PCDH15: variants seen among roughly 807,000 people sequenced by gnomAD.
PCDH15 encodes protocadherin related 15.
Under a neutral mutation model 178.5 loss-of-function variants are expected in PCDH15, and 129 were observed. The observed-to-expected ratio is 0.72, with a 90% CI of 0.63 to 0.84. PCDH15 has a LOEUF of 0.84. Among genes scored for constraint, PCDH15 ranks in the 40% least tolerant of loss-of-function variants. The pLI is 0.00. For missense variants in PCDH15, 2,230 were observed against 2,099.9 expected, an observed-to-expected ratio of 1.06 and a Z score of -1.21; for synonymous variants, 800 against 732.0, an observed-to-expected ratio of 1.09 and a Z score of -1.50.
At chr10:55,060,173 C>A (rs1183160188) in intron 2 of PCDH15, among the ~76,000 whole-genome samples, 1 of 151,970 alleles carries the variant, frequency 6.6e-6, no homozygotes, top group Non-Finnish European at 1.5e-5. Flanking sequence ...TTTCAATTTT[C>A]TCACCTATTA....
chr10:54,939,453 C>A lies in PCDH15; in HGVS notation c.-79-41953G>T, dbSNP rs796759986. ...GAGCTTGTGGTGAGCCGAGACCTCG[C>A]CACTGCACTCCAGTCTGGGCAATAG... is the stretch of plus-strand genomic sequence containing the variant. On this transcript the variant is annotated intron_variant, in intron 2 of 5. Coordinates refer to the PCDH15 transcript ENST00000458638. 2.3e-4 allele frequency among the ~76,000 whole-genome samples: 30 copies of A among 133,098 alleles called. 1 individual carries two copies. The highest frequency in any genetic ancestry group is 8.5e-4 in the African/African-American group (30 of 35,386). The allele number at this position is 133,098 out of a possible 152,430, so 87.3% of individuals were successfully genotyped here.
chr10:54,102,002 A>T (rs1467555656), intron 15 of PCDH15, among the ~76,000 whole-genome samples: 1 of 152,120 alleles, frequency 6.6e-6, no homozygotes, highest in African/African-American at 2.4e-5. Flanking sequence ...CATAATAGTA[A>T]TATAAATAAA....
chr10:54,161,046 A>G (rs1352271577), intron 13 of PCDH15, among the ~76,000 whole-genome samples: 1 of 152,144 alleles, frequency 6.6e-6, no homozygotes, highest in Non-Finnish European at 1.5e-5. Flanking sequence ...AAATAAACAT[A>G]TATGTGTATA....
At chr10:55,487,905 G>A (rs1347823466) in intron 2 of PCDH15, among the ~76,000 whole-genome samples, 1 of 150,742 alleles carries the variant, frequency 6.6e-6, no homozygotes, top group African/African-American at 2.4e-5. Flanking sequence ...AAAAAGAGGT[G>A]AACATAAGAT....
chr10:53,995,816 A>G, intron 20 of PCDH15, 51 bp from the exon 21 acceptor site: 1 of 1,519,934 alleles, frequency 6.6e-7, no homozygotes, highest in South Asian at 1.1e-5. Flanking sequence ...CAGGTTAGGG[A>G]TACAGTTACT....
rs111651193 is a variant in PCDH15, at chr10:54,445,851, A to G, written c.158-66909T>C. Among the ~76,000 whole-genome samples, 85 of 151,530 alleles carry G rather than the reference A, an allele frequency of 5.6e-4. No homozygotes were observed. The East Asian group carries it at 0.015, about 26-fold the overall frequency. On this transcript the variant is annotated intron_variant, in intron 3 of 37. Coordinates refer to ENST00000644397, the MANE Select transcript of PCDH15 (RefSeq NM_001384140.1). ...TTTTCACAGAAATTAGTTTATTGTG[A>G]TCTTCTTTTCCAAAAGGACTTAATT...
intron 5 of PCDH15, among the ~76,000 whole-genome samples, chr10:54,364,702 G>A (rs962850506): frequency 6.6e-6 from 1 of 151,670 alleles, no homozygotes; most frequent in Admixed American, 6.6e-5. Context: ...AAATTTTGTG[G>A]CTTAAATTAA....
At chr10:54,106,143 G>A (rs534798568) in intron 15 of PCDH15, among the ~76,000 whole-genome samples, 150 of 152,254 alleles carry the variant, frequency 9.9e-4, no homozygotes, top group African/African-American at 3.5e-3. Context: ...GAGTAAATGA[G>A]GAGTATAGGC....
intron 2 of PCDH15, among the ~76,000 whole-genome samples, chr10:54,920,008 T>C (rs904037346): frequency 7.2e-5 from 11 of 152,160 alleles, no homozygotes; most frequent in Non-Finnish European, 1.6e-4. Flanking sequence ...TTCAGAAGCA[T>C]AACAAGGGGG....
chr10:54,559,947 A>T (rs1320130882), intron 2 of PCDH15, among the ~76,000 whole-genome samples: 1 of 151,338 alleles, frequency 6.6e-6, no homozygotes. Flanking sequence ...GTTACTCTAC[A>T]CAATAATACA....
chr10:54,111,984 AAAAC>A lies in PCDH15; in HGVS notation c.1917+20887_1917+20890del, dbSNP rs1289101929. 1.9e-3 allele frequency among the ~76,000 whole-genome samples: 142 copies of A among 75,032 alleles called. 2 individuals carry two copies. The East Asian group carries it at 0.1, about 55-fold the overall frequency. 49.2% of individuals were successfully genotyped at this position (75,032 alleles called of 152,430 possible). A position where few individuals can be genotyped will look rare whatever the true frequency, so the allele number is the denominator to read the frequency against. Reference sequence around the variant, plus strand: ...TCTACCAAAAATACAAAAAAAAAAAAAAACAAAACTTAGCTTAGCGTGGTGGTGG... The same window carrying A: ...TCTACCAAAAATACAAAAAAAAAAAAAAAACTTAGCTTAGCGTGGTGGTGG... On this transcript the variant is annotated intron_variant, in intron 15 of 37. Transcript: ENST00000644397.
At chr10:54,154,429 C>T (rs2044874724) in intron 13 of PCDH15, among the ~76,000 whole-genome samples, 1 of 152,062 alleles carries the variant, frequency 6.6e-6, no homozygotes, top group African/African-American at 2.4e-5. Flanking sequence ...CAATACATTA[C>T]TTCTAAAAAT....
chr10:54,150,095 C>G (rs925314001), intron 14 of PCDH15, among the ~76,000 whole-genome samples: 1 of 151,998 alleles, frequency 6.6e-6, no homozygotes, highest in Non-Finnish European at 1.5e-5. Flanking sequence ...TAAACTCTTC[C>G]AAGTGTGACT....
At chr10:55,220,807 TTTG>T (rs918986318) in intron 1 of PCDH15, among the ~76,000 whole-genome samples, 47 of 152,178 alleles carry the variant, frequency 3.1e-4, no homozygotes, top group African/African-American at 1.1e-3. Context: ...TATTTGACAC[TTTG>T]TTGTTGTTAA....
intron 2 of PCDH15, among the ~76,000 whole-genome samples, chr10:55,144,257 G>A (rs1838435203): frequency 8.1e-6 from 1 of 122,944 alleles, no homozygotes; most frequent in African/African-American, 2.9e-5. Flanking sequence ...TTCTACTCTT[G>A]TATTACGGCT....
intron 15 of PCDH15, among the ~76,000 whole-genome samples, chr10:54,107,773 T>G (rs1013998187): frequency 6.6e-6 from 1 of 151,526 alleles, no homozygotes; most frequent in Non-Finnish European, 1.5e-5. Flanking sequence ...CTGGGTGGGG[T>G]TTCAGAAAGT....
intron 25 of PCDH15, among the ~76,000 whole-genome samples, chr10:53,913,197 T>G (rs972709732): frequency 6.6e-6 from 1 of 152,146 alleles, no homozygotes; most frequent in African/African-American, 2.4e-5. Flanking sequence ...GGGAAAGGAT[T>G]CCCTATTTAA....
rs181657958 is a variant in PCDH15, at chr10:55,334,400, C to T, written c.-155-167749G>A. ...TCGGCTCACCGCAACCTCTGTCTCC[C>T]GGGTTCAAGCGATTATCCTGCCTCA... On this transcript the variant is annotated intron_variant, in intron 2 of 5. Coordinates refer to the PCDH15 transcript ENST00000613346. Among the ~76,000 whole-genome samples, 718 of 149,914 alleles carry T rather than the reference C, an allele frequency of 4.8e-3. 10 individuals are homozygous for T. The highest frequency in any genetic ancestry group is 0.017 in the African/African-American group (673 of 40,336).
At chr10:54,472,088 G>A (rs150303366) in intron 3 of PCDH15, among the ~76,000 whole-genome samples, 88 of 152,070 alleles carry the variant, frequency 5.8e-4, no homozygotes, top group African/African-American at 2.0e-3. Flanking sequence ...CTATGAATAA[G>A]GTCTAAAAGA....
Sources: gnomAD v4.1 joint callset for allele counts (sites outside exome capture counted in the v4.1 genomes callset) on GRCh38, gnomAD v4.1.1 for gene constraint, MANE v1.5 for transcripts, NCBI Gene and HGNC (gene_info 2026-07-23, HGNC 2026-07-21) for gene names.